The following CHID1 variants were observed in gnomAD, a reference collection of about 807,000 sequenced individuals.
The protein encoded by CHID1 is chitinase domain-containing protein 1.
A neutral mutation model predicts 55.4 loss-of-function variants in CHID1; 44 were observed. That is an observed-to-expected ratio of 0.79 (90% CI 0.62 to 1.02). The LOEUF is 1.02. Ranked by LOEUF, CHID1 falls within the 50% of genes least tolerant of loss-of-function variation. The pLI is 0.00. For missense variants in CHID1, 491 were observed against 515.3 expected, an observed-to-expected ratio of 0.95 and a Z score of 0.46; for synonymous variants, 216 against 212.9, an observed-to-expected ratio of 1.01 and a Z score of -0.13.
chr11:887,191 C>A (rs962673514), intron 8 of CHID1, among the ~76,000 whole-genome samples: 15 of 152,172 alleles, frequency 9.9e-5, no homozygotes, highest in African/African-American at 3.6e-4. Flanking sequence ...CCATGTCCAG[C>A]TAACTTTTAA....
At chr11:907,220 G>A (rs1334374633) in intron 1 of CHID1, among the ~76,000 whole-genome samples, 2 of 152,174 alleles carry the variant, frequency 1.3e-5, no homozygotes, top group Non-Finnish European at 2.9e-5. Context: ...GGTGGCTCAC[G>A]CCTGTAATCC....
rs11541325 is a variant in CHID1, at chr11:893,469, C to T, written c.659G>A (p.Arg220Gln). 7 of 1,551,776 alleles carry T rather than the reference C, an allele frequency of 4.5e-6. No homozygotes were observed. The highest frequency in any genetic ancestry group is 2.7e-5 in the African/African-American group (2 of 73,368). ...THLAEALHQA[R>Q]LLALLVIPPA... ...CGGGATGACCAGGAGGGCCAGCAGC[C>T]GGGCCTGGTGCAGAGCCTCGGCCAA... is the stretch of plus-strand genomic sequence containing the variant. The change falls in exon 8 of 13, where the codon CGG (arginine) becomes CAG (glutamine). Residue 220 changes from arginine to glutamine, a missense_variant. Arg to Gln is a conservative substitution (Grantham distance 43). Coordinates refer to ENST00000323578, the MANE Select transcript of CHID1 (RefSeq NM_023947.4).
intron 6 of CHID1, 37 bp downstream of exon 6, chr11:899,967 G>A (rs1237905398): frequency 2.6e-6 from 4 of 1,514,508 alleles, no homozygotes; most frequent in East Asian, 2.3e-5. Flanking sequence ...GACCCGGGGG[G>A]CTGTGCTCAG....
chr11:891,244 C>G (rs1278252644), intron 8 of CHID1, among the ~76,000 whole-genome samples: 2 of 152,122 alleles, frequency 1.3e-5, no homozygotes, highest in East Asian at 3.9e-4. Flanking sequence ...GGGCGCACAA[C>G]AGCAGTGCCC....
At chr11:873,791 G>A (rs1849327058) in intron 10 of CHID1, among the ~76,000 whole-genome samples, 1 of 152,134 alleles carries the variant, frequency 6.6e-6, no homozygotes, top group South Asian at 2.1e-4. Flanking sequence ...AATTCTGGAA[G>A]CGTGTTAAAC....
intron 10 of CHID1, among the ~76,000 whole-genome samples, chr11:878,858 T>G (rs192675582): frequency 0.03 from 4,603 of 151,838 alleles, 140 homozygotes; most frequent in Admixed American, 0.083. Context: ...GGCTAATTTT[T>G]TTTTTTGAGA....
At chr11:893,271 G>C (rs1292562038) in intron 8 of CHID1, among the ~76,000 whole-genome samples, 156 bp downstream of exon 8, 6 of 152,236 alleles carry the variant, frequency 3.9e-5, no homozygotes, top group Non-Finnish European at 8.8e-5. Context: ...CAGCACAGGG[G>C]CACAGAGTGT....
chr11:884,245 G>T, intron 8 of CHID1, 76 bp from the exon 9 acceptor site: 1 of 1,136,790 alleles, frequency 8.8e-7, no homozygotes. Context: ...GTTCGAGCAA[G>T]CTGCCTGTAG....
At chr11:870,012 G>A (rs1849056866) in intron 12 of CHID1, 56 bp from the exon 13 acceptor site, 5 of 1,607,700 alleles carry the variant, frequency 3.1e-6, no homozygotes, top group Non-Finnish European at 4.3e-6. Context: ...CAACACCCAG[G>A]GATGTCCTCC....
intron 1 of CHID1, chr11:908,768 T>A (rs1354946814): frequency 5.3e-6 from 1 of 189,160 alleles, no homozygotes; most frequent in Non-Finnish European, 9.8e-6. Context: ...GCTGGGTCTC[T>A]GCCCCTACCT....
In CHID1 at chr11:905,719, C is replaced by T. The variant is rs187801973; in HGVS notation, c.-43-860G>A. ...GGCTCAGAGAAGCCTACGATAATAACGATGATGGTGGTGATGCCACGTTAA... is the reference window on the plus strand; with the variant it reads ...GGCTCAGAGAAGCCTACGATAATAATGATGATGGTGGTGATGCCACGTTAA... On this transcript the variant is annotated intron_variant, in intron 1 of 12. Coordinates refer to ENST00000323578, the MANE Select transcript of CHID1 (RefSeq NM_023947.4). Among the ~76,000 whole-genome samples, 36 of 151,354 alleles carry T rather than the reference C, an allele frequency of 2.4e-4. No homozygotes were observed. The East Asian group carries it at 6.0e-3, about 25-fold the overall frequency.
chr11:898,044 G>GAT (rs1459186185), intron 7 of CHID1, among the ~76,000 whole-genome samples: 2 of 152,188 alleles, frequency 1.3e-5, no homozygotes, highest in African/African-American at 4.8e-5. Context: ...TGGGAGGAGC[G>GAT]GCAGGGCTGC....
At position 869,130 on chromosome 11, in the gene CHID1, C is replaced by G. The variant is rs1849008327; in HGVS notation, c.*728G>C. On this transcript the variant is annotated 3_prime_UTR_variant, in exon 13 of 13. Transcript: ENST00000323578. Reference sequence around the variant, plus strand: ...CTGCCCCACCCCTCGCTGGAAATGCCTGTCCCGATATGGCCCACGGGTCCT... The same window carrying G: ...CTGCCCCACCCCTCGCTGGAAATGCGTGTCCCGATATGGCCCACGGGTCCT... 1 of 152,602 alleles carries G rather than the reference C, an allele frequency of 6.6e-6. No individual in the cohort carries two copies. The highest frequency in any genetic ancestry group is 2.4e-5 in the African/African-American group (1 of 41,472). 9.5% of individuals were successfully genotyped at this position (152,602 alleles called of 1,614,324 possible).
At chr11:902,428 G>T in intron 3 of CHID1, 98 bp from the exon 4 acceptor site, 1 of 1,398,930 alleles carries the variant, frequency 7.1e-7, no homozygotes, top group Non-Finnish European at 9.9e-7. Context: ...GCCCAGGGCT[G>T]GCCAGCGTAG....
At chr11:900,434 T>C (rs188511597) in intron 5 of CHID1, among the ~76,000 whole-genome samples, 140 of 152,296 alleles carry the variant, frequency 9.2e-4, no homozygotes, top group African/African-American at 3.3e-3. Context: ...CTGCTCCAGC[T>C]CAGCCCTGTC....
At chr11:895,485 C>T (rs759054875) in intron 7 of CHID1, among the ~76,000 whole-genome samples, 1 of 152,138 alleles carries the variant, frequency 6.6e-6, no homozygotes, top group South Asian at 2.1e-4. Context: ...CAGCATTGCC[C>T]GGAGCGCTCC....
Position 899,316 on chromosome 11 carries a change from C to G in CHID1, c.608+24G>C. ...ACACCAGGGCCAGGAGGAGGGCCAC[C>G]CACCACCACCTGTGCCCACTCACAC... On this transcript the variant is annotated intron_variant, in intron 7 of 12. Transcript: ENST00000323578. 4 of 1,585,964 alleles carry G rather than the reference C, an allele frequency of 2.5e-6. No homozygotes were observed. In the African/African-American group the frequency reaches 5.4e-5, roughly 21 times the overall value.
In CHID1 at chr11:879,466, A is replaced by T. The variant is rs567758116; in HGVS notation, c.959+3682T>A. The stretch of plus-strand genomic sequence containing the variant: ...TCTTATAAGAAGAGGAGAAGAGGAC[A>T]CAGGCGCACATGGGACCTTGTGAGG... On this transcript the variant is annotated intron_variant, in intron 10 of 12. Coordinates refer to ENST00000323578, the MANE Select transcript of CHID1 (RefSeq NM_023947.4). 2.6e-5 allele frequency among the ~76,000 whole-genome samples: 4 copies of T among 152,400 alleles called. No individual in the cohort carries two copies. The South Asian group carries it at 8.3e-4, about 32-fold the overall frequency.
chr11:904,876 G>C lies in CHID1; in HGVS notation c.-43-17C>G. ...TCCAGAGGGCTGCAGGGAAAGCAGAGCACATTCAAACAACCGGCAGAGAAA... is the reference window on the plus strand; with the variant it reads ...TCCAGAGGGCTGCAGGGAAAGCAGACCACATTCAAACAACCGGCAGAGAAA... On this transcript the variant is annotated splice_polypyrimidine_tract_variant and intron_variant, in intron 1 of 12. Transcript: ENST00000323578. 1 of 1,610,980 alleles carries C rather than the reference G, an allele frequency of 6.2e-7. No individual in the cohort carries two copies. Among genetic ancestry groups the C allele is most frequent in the African/African-American group, 1.3e-5 (1 of 75,050 alleles).
Sources: allele counts gnomAD v4.1 joint callset (sites outside exome capture counted in the v4.1 genomes callset), GRCh38; gene constraint gnomAD v4.1.1; transcripts MANE v1.5; gene names NCBI Gene and HGNC (gene_info 2026-07-23, HGNC 2026-07-21).